PHACTR1: variants seen among roughly 807,000 people sequenced by gnomAD.
PHACTR1 encodes RPEL repeat containing 1.
In PHACTR1, 16 loss-of-function variants were observed where a neutral mutation model predicts 69.2. That is an observed-to-expected ratio of 0.23 (90% CI 0.16 to 0.35). The LOEUF is 0.35. Ranked by LOEUF, PHACTR1 falls within the 10% of genes least tolerant of loss-of-function variation. The probability of loss-of-function intolerance (pLI) is 1.00; values close to 1 mark genes in which losing one functional copy is unlikely to be tolerated. For missense variants in PHACTR1, 510 were observed against 734.7 expected (o/e 0.69, Z 3.54); for synonymous variants, 312 against 284.5 (o/e 1.10, Z -0.97).
chr6:12,919,835 C>T (rs868306168), intron 4 of PHACTR1, among the ~76,000 whole-genome samples: 5 of 152,128 alleles, frequency 3.3e-5, no homozygotes, highest in South Asian at 2.1e-4. Flanking sequence ...GTTTTTATTC[C>T]CGGAATCCAG....
intron 8 of PHACTR1, among the ~76,000 whole-genome samples, chr6:13,209,937 T>C (rs1430485266): frequency 2.6e-5 from 4 of 152,236 alleles, no homozygotes; most frequent in Non-Finnish European, 4.4e-5. Flanking sequence ...CTAGATCTTA[T>C]ACCATCTTGT....
At chr6:12,757,052 T>C (rs894518209) in intron 4 of PHACTR1, among the ~76,000 whole-genome samples, 1 of 152,196 alleles carries the variant, frequency 6.6e-6, no homozygotes, top group East Asian at 1.9e-4. Context: ...TAAATTGTAT[T>C]GTATGTTATA....
At chr6:12,971,193 A>G (rs1232915344) in intron 4 of PHACTR1, among the ~76,000 whole-genome samples, 1 of 152,148 alleles carries the variant, frequency 6.6e-6, no homozygotes, top group African/African-American at 2.4e-5. Context: ...TGGAAGAAAC[A>G]AATCAGGGTC....
At chr6:13,274,991 A>G (rs1305666432) in intron 11 of PHACTR1, 3 of 152,156 alleles carry the variant, frequency 2.0e-5, no homozygotes, top group African/African-American at 7.2e-5. Context: ...TCTCCTAAAT[A>G]TTTTTTTAAA....
intron 7 of PHACTR1, among the ~76,000 whole-genome samples, chr6:13,189,951 T>G (rs1386768291): frequency 2.6e-5 from 4 of 151,936 alleles, no homozygotes; most frequent in Admixed American, 2.6e-4. Context: ...TTTGCTGGCT[T>G]GTAGACAGCT....
At chr6:12,771,606 G>C (rs980632328) in intron 4 of PHACTR1, among the ~76,000 whole-genome samples, 2 of 152,170 alleles carry the variant, frequency 1.3e-5, no homozygotes, top group Admixed American at 6.5e-5. Context: ...GCTCCAGTAG[G>C]ACCAGCTCAA....
At chr6:13,105,405 G>C (rs1815943862) in intron 5 of PHACTR1, among the ~76,000 whole-genome samples, 1 of 152,028 alleles carries the variant, frequency 6.6e-6, no homozygotes. Flanking sequence ...GGCGGGGTGG[G>C]GGTGTGGAGG....
intron 4 of PHACTR1, among the ~76,000 whole-genome samples, chr6:12,825,913 A>G (rs1776754227): frequency 6.6e-6 from 1 of 152,198 alleles, no homozygotes; most frequent in Non-Finnish European, 1.5e-5. Context: ...AAAAGAAAAG[A>G]AAAGAAAAGA....
At chr6:13,263,555 T>C (rs1776217020) in intron 10 of PHACTR1, among the ~76,000 whole-genome samples, 1 of 152,198 alleles carries the variant, frequency 6.6e-6, no homozygotes, top group Admixed American at 6.5e-5. Context: ...CAGGGTCACA[T>C]ATATAGTAGC....
At chr6:13,231,687 G>C (rs1194593668) in intron 10 of PHACTR1, among the ~76,000 whole-genome samples, 2 of 152,212 alleles carry the variant, frequency 1.3e-5, no homozygotes, top group Non-Finnish European at 2.9e-5. Flanking sequence ...CATGGGCATA[G>C]CTTTATGTTA....
intron 8 of PHACTR1, among the ~76,000 whole-genome samples, chr6:13,225,737 C>G (rs1769535835): frequency 6.6e-6 from 1 of 152,212 alleles, no homozygotes; most frequent in Non-Finnish European, 1.5e-5. Flanking sequence ...CTCCCGGCTG[C>G]CGTTATCCCC....
intron 6 of PHACTR1, among the ~76,000 whole-genome samples, chr6:13,170,637 A>G (rs1015688707): frequency 6.6e-6 from 1 of 152,240 alleles, no homozygotes; most frequent in African/African-American, 2.4e-5. Context: ...AGACAAGTCA[A>G]TGGGGCACGC....
At chr6:13,268,128 G>A (rs539658092) in intron 10 of PHACTR1, among the ~76,000 whole-genome samples, 15 of 152,250 alleles carry the variant, frequency 9.9e-5, no homozygotes, top group East Asian at 5.8e-4. Context: ...TTAGCTGGGC[G>A]TGGTGGCACA....
At chr6:13,219,093 C>T (rs187944338) in intron 8 of PHACTR1, among the ~76,000 whole-genome samples, 1 of 152,196 alleles carries the variant, frequency 6.6e-6, no homozygotes, top group East Asian at 1.9e-4. Context: ...CTTTTCACCT[C>T]CCTAAGGCAT....
intron 8 of PHACTR1, among the ~76,000 whole-genome samples, chr6:13,216,415 C>G (rs1767681178): frequency 6.6e-6 from 1 of 152,334 alleles, no homozygotes; most frequent in East Asian, 1.9e-4. Context: ...CCTGACAATA[C>G]ACAGATATGA....
intron 4 of PHACTR1, among the ~76,000 whole-genome samples, chr6:12,846,298 C>G (rs1779256578): frequency 6.6e-6 from 1 of 152,188 alleles, no homozygotes; most frequent in Non-Finnish European, 1.5e-5. Context: ...AGAATATAAT[C>G]TTAACTATTC....
intron 7 of PHACTR1, among the ~76,000 whole-genome samples, chr6:13,189,749 A>G (rs76820666): frequency 0.065 from 9,870 of 152,172 alleles, 773 homozygotes; most frequent in African/African-American, 0.19. Context: ...TTAGCATTGT[A>G]TGTTTTCATC....
intron 4 of PHACTR1, among the ~76,000 whole-genome samples, chr6:12,929,785 C>G (rs1056810290): frequency 1.3e-5 from 2 of 152,194 alleles, no homozygotes; most frequent in African/African-American, 2.4e-5. Context: ...TCTAACTGAT[C>G]AGCCTCTACT....
At chr6:12,759,122 CAAAAA>C (rs1229879368) in intron 4 of PHACTR1, among the ~76,000 whole-genome samples, 2 of 51,470 alleles carry the variant, frequency 3.9e-5, no homozygotes, top group African/African-American at 1.4e-4. Flanking sequence ...GACTCCACCT[CAAAAA>C]AAAAAAAAAA....
Sources: allele counts gnomAD v4.1 joint callset (sites outside exome capture counted in the v4.1 genomes callset), GRCh38; gene constraint gnomAD v4.1.1; transcripts MANE v1.5; gene names NCBI Gene and HGNC (gene_info 2026-07-23, HGNC 2026-07-21).